The following DTNB variants were observed in gnomAD, a reference collection of about 807,000 sequenced individuals.
DTNB encodes the protein dystrobrevin beta.
DTNB carries 63 observed loss-of-function variants against 90.7 expected under a neutral mutation model. That is an observed-to-expected ratio of 0.69 (90% CI 0.57 to 0.86). DTNB has a LOEUF of 0.86. Ranked by LOEUF, DTNB falls within the 40% of genes least tolerant of loss-of-function variation. The pLI, the probability that DTNB is intolerant of heterozygous loss-of-function variation, is 0.00. For synonymous variants in DTNB, 277 were observed against 286.7 expected (o/e 0.97, Z 0.34); for missense variants, 744 against 807.1 (o/e 0.92, Z 0.95).
intron 3 of DTNB, among the ~76,000 whole-genome samples, chr2:25,638,573 C>G (rs2077573066): frequency 6.6e-6 from 1 of 152,166 alleles, no homozygotes; most frequent in South Asian, 2.1e-4. Context: ...GACACACACA[C>G]ACTTTATTTT....
intron 15 of DTNB, among the ~76,000 whole-genome samples, chr2:25,421,396 C>T (rs555946973): frequency 3.0e-4 from 45 of 152,222 alleles, no homozygotes; most frequent in Non-Finnish European, 5.9e-4. Flanking sequence ...CTCACAGGAG[C>T]CTAGGCACAG....
chr2:25,402,726 G>A (rs574462765), intron 16 of DTNB, among the ~76,000 whole-genome samples: 1 of 152,312 alleles, frequency 6.6e-6, no homozygotes, highest in South Asian at 2.1e-4. Context: ...GATGGCTGGT[G>A]AGGCAAGCTG....
At chr2:25,583,262 AATATATAT>A (rs1359014707) in intron 6 of DTNB, among the ~76,000 whole-genome samples, 1 of 137,494 alleles carries the variant, frequency 7.3e-6, no homozygotes, top group Admixed American at 7.4e-5. Context: ...AAAAAAAAAA[AATATATAT>A]ATATATATAT....
chr2:25,483,935 C>A (rs182107675), intron 9 of DTNB, among the ~76,000 whole-genome samples: 3 of 152,202 alleles, frequency 2.0e-5, no homozygotes, highest in Non-Finnish European at 2.9e-5. Flanking sequence ...TGTTTAGATA[C>A]ATAAATACCC....
intron 1 of DTNB, 50 bp from the exon 2 acceptor site, chr2:25,652,711 A>G (rs1464252727): frequency 6.3e-7 from 1 of 1,582,012 alleles, no homozygotes; most frequent in Non-Finnish European, 8.6e-7. Context: ...CGACAATTCA[A>G]TCAAGTGCTA....
intron 9 of DTNB, among the ~76,000 whole-genome samples, chr2:25,516,180 T>C (rs1489187199): frequency 6.6e-6 from 1 of 152,170 alleles, no homozygotes; most frequent in Non-Finnish European, 1.5e-5. Context: ...TACCAAGTGC[T>C]GATGAGAATG....
intron 11 of DTNB, 67 bp downstream of exon 11, chr2:25,455,338 C>T: frequency 8.3e-6 from 12 of 1,450,756 alleles, no homozygotes; most frequent in Non-Finnish European, 1.0e-5. Flanking sequence ...CTGACAACCC[C>T]AGGTAGCAAA....
At chr2:25,555,080 A>G (rs1184124343) in intron 8 of DTNB, among the ~76,000 whole-genome samples, 5 of 151,944 alleles carry the variant, frequency 3.3e-5, no homozygotes, top group African/African-American at 4.8e-5. Flanking sequence ...GCGGATCACG[A>G]AGTCAGGAGA....
chr2:25,464,155 C>A (rs111237518), intron 10 of DTNB, among the ~76,000 whole-genome samples: 3 of 152,154 alleles, frequency 2.0e-5, no homozygotes, highest in Admixed American at 2.0e-4. Flanking sequence ...GTGATCTGCC[C>A]GCCTTGGCCT....
At chr2:25,650,456 T>G (rs909580660) in intron 2 of DTNB, among the ~76,000 whole-genome samples, 2 of 152,136 alleles carry the variant, frequency 1.3e-5, no homozygotes, top group African/African-American at 4.8e-5. Flanking sequence ...AACAGTATTG[T>G]GCAAAGGCGG....
At chr2:25,582,556 C>T (rs1221962383) in intron 6 of DTNB, among the ~76,000 whole-genome samples, 2 of 152,130 alleles carry the variant, frequency 1.3e-5, no homozygotes, top group African/African-American at 4.8e-5. Context: ...CTCCAGAAAG[C>T]CTGCAGGCCG....
At chr2:25,577,336 C>T (rs955701825) in intron 7 of DTNB, among the ~76,000 whole-genome samples, 3 of 152,064 alleles carry the variant, frequency 2.0e-5, no homozygotes, top group African/African-American at 7.2e-5. Context: ...ACTCAGGAGG[C>T]TGAGGCACAA....
intron 8 of DTNB, among the ~76,000 whole-genome samples, chr2:25,560,877 T>C (rs2058156634): frequency 6.6e-6 from 1 of 152,176 alleles, no homozygotes; most frequent in South Asian, 2.1e-4. Context: ...AGGTTGGTGG[T>C]AGTTTGTTAT....
intron 4 of DTNB, among the ~76,000 whole-genome samples, chr2:25,622,688 A>G (rs2073075608): frequency 6.6e-6 from 1 of 152,122 alleles, no homozygotes. Context: ...TTCTGCCCAC[A>G]TTCTCAGCAA....
chr2:25,523,772 C>T (rs1172556292), intron 9 of DTNB, among the ~76,000 whole-genome samples: 1 of 152,004 alleles, frequency 6.6e-6, no homozygotes, highest in Non-Finnish European at 1.5e-5. Flanking sequence ...TTTATGTCCT[C>T]CTAATGCAGT....
At chr2:25,382,555 G>C (rs961516862) in intron 19 of DTNB, among the ~76,000 whole-genome samples, 6 of 107,626 alleles carry the variant, frequency 5.6e-5, no homozygotes. Flanking sequence ...TTGAGACAGA[G>C]TCTCTCTTTG....
intron 5 of DTNB, among the ~76,000 whole-genome samples, chr2:25,601,710 C>A (rs2065924329): frequency 6.6e-6 from 1 of 152,168 alleles, no homozygotes; most frequent in Non-Finnish European, 1.5e-5. Context: ...ACTCTCATCG[C>A]CTGTCATCTT....
intron 7 of DTNB, among the ~76,000 whole-genome samples, chr2:25,577,227 G>C (rs1430308380): frequency 6.6e-6 from 1 of 152,128 alleles, no homozygotes; most frequent in Non-Finnish European, 1.5e-5. Context: ...TTGAGACCAG[G>C]AGTTTGAGAC....
At chr2:25,408,421 C>T (rs1390397249) in intron 16 of DTNB, among the ~76,000 whole-genome samples, 2 of 149,452 alleles carry the variant, frequency 1.3e-5, no homozygotes, top group Non-Finnish European at 3.0e-5. Flanking sequence ...CACCTGTAGT[C>T]CCAGCTACTC....
Sources: gnomAD v4.1 joint callset for allele counts (sites outside exome capture counted in the v4.1 genomes callset) on GRCh38, gnomAD v4.1.1 for gene constraint, MANE v1.5 for transcripts, NCBI Gene and HGNC (gene_info 2026-07-23, HGNC 2026-07-21) for gene names.